Variants in TJP3 observed in about 807,000 individuals in gnomAD.
The protein encoded by TJP3 is tight junction protein ZO-3.
Under a neutral mutation model 104.2 loss-of-function variants are expected in TJP3, and 85 were observed. The observed-to-expected ratio is 0.82, with a 90% confidence interval of 0.68 to 0.98. TJP3 has a LOEUF of 0.98. Among genes scored for constraint, TJP3 ranks in the 50% least tolerant of loss-of-function variants. TJP3 has a pLI of 0.00. For missense variants in TJP3, 1,367 were observed against 1,322.8 expected, an observed-to-expected ratio of 1.03 and a Z score of -0.52; for synonymous variants, 550 against 550.6, an observed-to-expected ratio of 1.00 and a Z score of 0.02.
At chr19:3,744,190 C>T (rs1255099683) in intron 15 of TJP3, among the ~76,000 whole-genome samples, 156 bp downstream of exon 15, 1 of 152,202 alleles carries the variant, frequency 6.6e-6, no homozygotes, top group African/African-American at 2.4e-5. Context: ...ATCCTCAATC[C>T]ATCTTGGCAC....
rs907423337 is a variant in TJP3 at position 3,742,843 on chromosome 19, C to G, written c.1844-1096C>G. Among the ~76,000 whole-genome samples the G allele has an allele frequency of 1.4e-3, 215 of 151,042 alleles. 1 individual carries two copies. Among genetic ancestry groups the G allele is most frequent in the Admixed American group, 0.013 (190 of 15,166 alleles). On this transcript the variant is annotated intron_variant, in intron 14 of 20. Coordinates refer to ENST00000541714, the MANE Select transcript of TJP3 (RefSeq NM_001267560.2). The stretch of plus-strand genomic sequence containing the variant: ...TAGCCGGGCGTGGTGGTGGGCGCCT[C>G]TAATCCCAGCTACTCAGGAAGCTGA...
chr19:3,745,912 C>T, intron 15 of TJP3, 99 bp from the exon 16 acceptor site: 3 of 971,180 alleles, frequency 3.1e-6, no homozygotes, highest in Admixed American at 4.6e-5. Flanking sequence ...CAATGGGGAG[C>T]CATGGTGGCT....
intron 6 of TJP3, among the ~76,000 whole-genome samples, chr19:3,732,368 C>A (rs1277459083): frequency 6.6e-6 from 1 of 152,064 alleles, no homozygotes; most frequent in Non-Finnish European, 1.5e-5. Flanking sequence ...GACCCAGTCA[C>A]CAGGTTTAGG....
chr19:3,740,958 A>G (rs1414996615), intron 14 of TJP3, among the ~76,000 whole-genome samples, 195 bp downstream of exon 14: 1 of 152,168 alleles, frequency 6.6e-6, no homozygotes, highest in Non-Finnish European at 1.5e-5. Context: ...TGGGCGGTAA[A>G]GCAAGACTAC....
At chr19:3,711,494 C>T (rs1038530155) in intron 1 of TJP3, among the ~76,000 whole-genome samples, 78 of 150,972 alleles carry the variant, frequency 5.2e-4, no homozygotes, top group Non-Finnish European at 7.7e-4. Flanking sequence ...CCACCGCGTC[C>T]GGCCAAAATG....
At chr19:3,713,857 A>C (rs923622021) in intron 1 of TJP3, among the ~76,000 whole-genome samples, 3 of 149,222 alleles carry the variant, frequency 2.0e-5, no homozygotes, top group Non-Finnish European at 4.4e-5. Context: ...CTGGGACTAC[A>C]GGCGCCCGCC....
intron 14 of TJP3, among the ~76,000 whole-genome samples, chr19:3,742,206 G>T (rs1291491258): frequency 6.6e-6 from 1 of 152,004 alleles, no homozygotes; most frequent in Non-Finnish European, 1.5e-5. Context: ...GGCCAAGATG[G>T]GTGGGTCACT....
chr19:3,736,267 G>A lies in TJP3; in HGVS notation c.1230G>A (p.Gln410=). ...NDVGIFVSGV[Q]AGSPADGQGI... is the part of the protein sequence containing the mutation. ...TGGGCATCTTCGTGTCCGGGGTGCA[G>A]GCGGGCAGCCCGGCCGACGGGCAGG... The change falls in exon 11 of 21, where the codon CAG becomes CAA. Residue 410 remains glutamine, a synonymous_variant. Coordinates refer to ENST00000541714, the MANE Select transcript of TJP3 (RefSeq NM_001267560.2). The A allele has an allele frequency of 1.3e-6, 2 of 1,549,534 alleles. No homozygotes were observed. The highest frequency in any genetic ancestry group is 1.7e-6 in the Non-Finnish European group (2 of 1,150,708).
chr19:3,716,075 G>A (rs146596623), intron 1 of TJP3, among the ~76,000 whole-genome samples: 8 of 120,828 alleles, frequency 6.6e-5, no homozygotes, highest in African/African-American at 1.3e-4. Context: ...CACCACGCCC[G>A]ACTTGTTTTA....
In TJP3 at chr19:3,746,994, CAG is replaced by C; in HGVS notation, c.2322+121_2322+122del. ...CTTGGTCAGGGATCAGGACTGTGGC[CAG>C]AGTCAAGATGGGACCTGAGACAAGG... On this transcript the variant is annotated intron_variant, in intron 18 of 20. Transcript: ENST00000541714. This position sits in a 1 kb window ranked among gnomAD's most constrained non-coding sequence, Gnocchi z 4.1. 1 of 974,110 alleles carries C rather than the reference CAG, an allele frequency of 1.0e-6. No individual in the cohort carries two copies. The highest frequency in any genetic ancestry group is 1.6e-6 in the Non-Finnish European group (1 of 644,510). 60.3% of individuals were successfully genotyped at this position (974,110 alleles called of 1,614,324 possible).
At position 3,750,252 on chromosome 19, in the gene TJP3, G is replaced by A. The variant is rs1450363409; in HGVS notation, c.2657+68G>A. 4.4e-6 allele frequency: 7 copies of A among 1,602,112 alleles called. No homozygotes were observed. The African/African-American group carries it at 6.7e-5, about 15-fold the overall frequency. The stretch of plus-strand genomic sequence containing the variant: ...TTGGGACTCAGACTCTGCGGACTCA[G>A]ATCTAGATCCAAGCTATGCCTTCAT... On this transcript the variant is annotated intron_variant, in intron 20 of 20. Coordinates refer to ENST00000541714, the MANE Select transcript of TJP3 (RefSeq NM_001267560.2).
At chr19:3,724,447 A>G (rs1235897188) in intron 1 of TJP3, among the ~76,000 whole-genome samples, 1 of 152,196 alleles carries the variant, frequency 6.6e-6, no homozygotes, top group Non-Finnish European at 1.5e-5. Context: ...TGCCTGCCTC[A>G]GCCTCCCAAA....
At chr19:3,721,967 G>T in intron 1 of TJP3, 1 of 1,020,884 alleles carries the variant, frequency 9.8e-7, no homozygotes, top group African/African-American at 1.6e-5. Context: ...TGGGGTGGGG[G>T]GAAAGCAGGG....
intron 1 of TJP3, among the ~76,000 whole-genome samples, chr19:3,712,905 G>A (rs1384511270): frequency 6.6e-6 from 1 of 150,470 alleles, no homozygotes; most frequent in African/African-American, 2.5e-5. Flanking sequence ...AGCTATGATT[G>A]CACCACTGCA....
intron 15 of TJP3, 91 bp from the exon 16 acceptor site, chr19:3,745,920 G>T: frequency 9.3e-7 from 1 of 1,073,404 alleles, no homozygotes; most frequent in Non-Finnish European, 1.4e-6. Context: ...AGCCATGGTG[G>T]CTTCTTGAGC....
chr19:3,744,957 G>A (rs900573202), intron 15 of TJP3, among the ~76,000 whole-genome samples: 6 of 151,672 alleles, frequency 4.0e-5, no homozygotes, highest in Non-Finnish European at 8.8e-5. Flanking sequence ...AGTTAAGATT[G>A]CAAATTTTGG....
At chr19:3,710,357 G>A (rs1041975855) in intron 1 of TJP3, among the ~76,000 whole-genome samples, 7 of 152,062 alleles carry the variant, frequency 4.6e-5, no homozygotes, top group Admixed American at 3.3e-4. Flanking sequence ...CGCTTACCCC[G>A]GGCCGCACAG....
At chr19:3,736,943 G>A (rs2036747067) in intron 11 of TJP3, among the ~76,000 whole-genome samples, 2 of 149,200 alleles carry the variant, frequency 1.3e-5, no homozygotes, top group Non-Finnish European at 3.0e-5. Context: ...GCGGGGGTGT[G>A]ATCTTGGCTC....
chr19:3,739,243 G>A (rs2036780190), intron 13 of TJP3, 109 bp downstream of exon 13: 3 of 1,045,158 alleles, frequency 2.9e-6, no homozygotes, highest in Non-Finnish European at 4.0e-6. Flanking sequence ...TGTAATCCTG[G>A]CACTTTGGGA....
Sources: allele counts gnomAD v4.1 joint callset (sites outside exome capture counted in the v4.1 genomes callset), GRCh38; gene constraint gnomAD v4.1.1; non-coding constraint Gnocchi (gnomAD v3.1); transcripts MANE v1.5; gene names NCBI Gene and HGNC (gene_info 2026-07-23, HGNC 2026-07-21).